TMX2: variants seen among roughly 807,000 people sequenced by gnomAD.
The protein encoded by TMX2 is thioredoxin-related transmembrane protein 2.
TMX2 carries 20 observed loss-of-function variants against 33.4 expected under a neutral mutation model. That is an observed-to-expected ratio of 0.60 (90% CI 0.42 to 0.87). The LOEUF is 0.87. Ranked by LOEUF, TMX2 falls within the 40% of genes least tolerant of loss-of-function variation. The pLI is 0.00. For synonymous variants in TMX2, 166 were observed against 140.7 expected (o/e 1.18, Z -1.27); for missense variants, 340 against 370.7 (o/e 0.92, Z 0.68).
At chr11:57,719,514 CT>C (rs1183104624) in intron 1 of TMX2, among the ~76,000 whole-genome samples, 61 of 70,532 alleles carry the variant, frequency 8.6e-4, no homozygotes, top group Middle Eastern at 0.031. Context: ...TTTTCTTTGT[CT>C]TTTTTTTTTT....
In TMX2 at chr11:57,716,038, C is replaced by A. The variant is rs1946977288; in HGVS notation, c.189+3231C>A. Among the ~76,000 whole-genome samples the A allele has an allele frequency of 2.0e-5, 3 of 152,320 alleles. No homozygotes were observed. In the South Asian group the frequency reaches 6.2e-4, roughly 32 times the overall value. On this transcript the variant is annotated intron_variant, in intron 1 of 7. Transcript: ENST00000278422. ...TTTCAATCTTTTCCCCACCTTTCCCCCCTTTCTATTCCACAAAACCGCCAT... is the reference window on the plus strand; with the variant it reads ...TTTCAATCTTTTCCCCACCTTTCCCACCTTTCTATTCCACAAAACCGCCAT...
chr11:57,740,221 T>A lies in TMX2; in HGVS notation c.867T>A (p.Asp289Glu), dbSNP rs774731229. The A allele has an allele frequency of 6.2e-7, 1 of 1,607,914 alleles. No individual in the cohort carries two copies. Among genetic ancestry groups the A allele is most frequent in the Non-Finnish European group, 8.5e-7 (1 of 1,178,016 alleles). Residue 289 changes from aspartate (D) to glutamate (E), a missense_variant, in exon 8 of 8, where the codon GAT becomes GAA. By Grantham distance (45) the Asp-to-Glu change is conservative. Transcript: ENST00000278422. ...PVASTPTTVSDGENKKDK is the reference protein window; with the variant it reads ...PVASTPTTVSEGENKKDK ...CTTCAACCCCCACCACAGTGTCAGA[T>A]GGGGAAAACAAGAAGGATAAATAAG... is the stretch of plus-strand genomic sequence containing the variant.
intron 1 of TMX2, among the ~76,000 whole-genome samples, chr11:57,720,687 C>T (rs1947565983): frequency 6.6e-6 from 1 of 152,230 alleles, no homozygotes; most frequent in Non-Finnish European, 1.5e-5. Context: ...CGTGAGCCAT[C>T]GTGCCTGGCC....
chr11:57,734,914 T>C (rs1028733651), intron 1 of TMX2, among the ~76,000 whole-genome samples: 2 of 150,780 alleles, frequency 1.3e-5, no homozygotes, highest in African/African-American at 2.4e-5. Context: ...GGCGGGCAGA[T>C]CACAAGGCCA....
At chr11:57,724,628 G>C (rs572313662) in intron 1 of TMX2, among the ~76,000 whole-genome samples, 2 of 151,092 alleles carry the variant, frequency 1.3e-5, no homozygotes, top group South Asian at 4.2e-4. Flanking sequence ...AAAAAAAAAG[G>C]CTTCCTGGGA....
intron 1 of TMX2, among the ~76,000 whole-genome samples, chr11:57,726,490 T>TA (rs1298415986): frequency 2.0e-5 from 3 of 151,986 alleles, no homozygotes; most frequent in African/African-American, 7.2e-5. Context: ...CTTTTTTTTT[T>TA]ACTTAATAAT....
At chr11:57,728,512 G>A (rs1280500846) in intron 1 of TMX2, among the ~76,000 whole-genome samples, 2 of 152,106 alleles carry the variant, frequency 1.3e-5, no homozygotes, top group South Asian at 2.1e-4. Flanking sequence ...TTCTCCTTCG[G>A]TGGAACTGTT....
intron 1 of TMX2, among the ~76,000 whole-genome samples, chr11:57,730,468 G>A (rs181647115): frequency 0.019 from 2,708 of 144,478 alleles, 202 homozygotes; most frequent in East Asian, 0.14. Context: ...CAGGCATGGT[G>A]GCTCATGCCT....
chr11:57,716,267 C>T (rs1241151767), intron 1 of TMX2, among the ~76,000 whole-genome samples: 18 of 146,190 alleles, frequency 1.2e-4, no homozygotes, highest in Admixed American at 1.1e-3. Flanking sequence ...GGGGCTGACC[C>T]CCCCCCACCT....
chr11:57,724,936 G>A (rs1160711819), intron 1 of TMX2, among the ~76,000 whole-genome samples: 4 of 151,820 alleles, frequency 2.6e-5, no homozygotes, highest in Non-Finnish European at 5.9e-5. Flanking sequence ...TACTCGGGAG[G>A]CTGGGGCAGG....
intron 1 of TMX2, among the ~76,000 whole-genome samples, chr11:57,724,857 G>A (rs553769465): frequency 5.3e-5 from 8 of 152,046 alleles, no homozygotes; most frequent in African/African-American, 1.9e-4. Flanking sequence ...GGCCAAGGTG[G>A]TGAAACCGTG....
intron 1 of TMX2, among the ~76,000 whole-genome samples, chr11:57,713,620 C>T (rs896045230): frequency 2.0e-5 from 3 of 151,988 alleles, no homozygotes; most frequent in East Asian, 3.9e-4. Flanking sequence ...AAAAATCAAC[C>T]GACAAAGGGC....
At chr11:57,727,749 A>G (rs1948098275) in intron 1 of TMX2, among the ~76,000 whole-genome samples, 1 of 152,160 alleles carries the variant, frequency 6.6e-6, no homozygotes, top group Non-Finnish European at 1.5e-5. Context: ...TCCAGGAAAT[A>G]ATCAACTAAG....
At chr11:57,716,206 G>C (rs1356867231) in intron 1 of TMX2, among the ~76,000 whole-genome samples, 1 of 150,924 alleles carries the variant, frequency 6.6e-6, no homozygotes, top group African/African-American at 2.4e-5. Flanking sequence ...CTGGCCGGGC[G>C]GGGGGCTGAC....
chr11:57,717,921 C>A, intron 1 of TMX2: 1 of 655,512 alleles, frequency 1.5e-6, no homozygotes, highest in Middle Eastern at 4.3e-4. Flanking sequence ...CCAAAGGGAA[C>A]TGCAGTGAGA....
At chr11:57,738,935 TA>T (rs749038630) in intron 5 of TMX2, 38 bp from the exon 6 acceptor site, 2 of 1,596,066 alleles carry the variant, frequency 1.3e-6, no homozygotes, top group Non-Finnish European at 1.7e-6. Context: ...CTTGATCCAT[TA>T]TTTTTTTTCA....
chr11:57,718,907 G>A, intron 1 of TMX2, among the ~76,000 whole-genome samples: 1 of 151,188 alleles, frequency 6.6e-6, no homozygotes, highest in Non-Finnish European at 1.5e-5. Context: ...CGCCCGCCTT[G>A]GCCTCCCAAA....
chr11:57,717,307 C>T (rs561346782), intron 1 of TMX2, among the ~76,000 whole-genome samples: 12 of 152,196 alleles, frequency 7.9e-5, no homozygotes, highest in African/African-American at 1.4e-4. Flanking sequence ...GGGTGGCGGC[C>T]GGGCAGAGGC....
At chr11:57,713,824 C>T (rs1946798117) in intron 1 of TMX2, among the ~76,000 whole-genome samples, 1 of 152,152 alleles carries the variant, frequency 6.6e-6, no homozygotes, top group South Asian at 2.1e-4. Context: ...GGAGAACATA[C>T]AGTGGCCTGG....
Sources: allele counts gnomAD v4.1 joint callset (sites outside exome capture counted in the v4.1 genomes callset), GRCh38; gene constraint gnomAD v4.1.1; transcripts MANE v1.5; gene names NCBI Gene and HGNC (gene_info 2026-07-23, HGNC 2026-07-21).